The following PIK3C2G variants were observed in gnomAD, a reference collection of about 807,000 sequenced individuals.
PIK3C2G encodes phosphatidylinositol-4-phosphate 3-kinase catalytic subunit type 2 gamma.
A neutral mutation model predicts 181.1 loss-of-function variants in PIK3C2G; 168 were observed. The observed-to-expected ratio is 0.93, with a 90% CI of 0.82 to 1.05. PIK3C2G has a LOEUF of 1.05. PIK3C2G is among the 50% of genes least tolerant of loss of function. The pLI, the probability that PIK3C2G is intolerant of heterozygous loss-of-function variation, is 0.00. For missense variants in PIK3C2G, 1,869 were observed against 1,732.8 expected, an observed-to-expected ratio of 1.08 and a Z score of -1.40; for synonymous variants, 573 against 592.2, an observed-to-expected ratio of 0.97 and a Z score of 0.47.
At position 18,302,626 on chromosome 12, in the gene PIK3C2G, C is replaced by T. The variant is rs572207719; in HGVS notation, c.1034+8611C>T. Among the ~76,000 whole-genome samples, 6 of 152,252 alleles carry T rather than the reference C, an allele frequency of 3.9e-5. No homozygotes were observed. The South Asian group carries it at 1.0e-3, about 26-fold the overall frequency. On this transcript the variant is annotated intron_variant, in intron 5 of 32. Coordinates refer to ENST00000538779, the MANE Select transcript of PIK3C2G (RefSeq NM_001288772.2). ...CAGCTCAATCCCCAGGTCCCCACCT[C>T]GCATGCTTGGGTCCTGGTGGGTCTT...
chr12:18,520,026 A>G (rs1942809719), intron 24 of PIK3C2G, among the ~76,000 whole-genome samples: 2 of 150,100 alleles, frequency 1.3e-5, no homozygotes, highest in Non-Finnish European at 3.0e-5. Context: ...AAAAAAAAAA[A>G]GAATGTTGAA....
the PIK3C2G span, among the ~76,000 whole-genome samples, chr12:18,678,648 T>C: frequency 6.6e-6 from 1 of 152,076 alleles, no homozygotes; most frequent in Non-Finnish European, 1.5e-5. Flanking sequence ...ATTTTAATCA[T>C]TTTGATTCAT....
upstream of PIK3C2G, among the ~76,000 whole-genome samples, chr12:18,258,425 C>T (rs1948170261): frequency 1.3e-5 from 2 of 151,992 alleles, no homozygotes; most frequent in Non-Finnish European, 2.9e-5. Flanking sequence ...ATCCTTTGAC[C>T]AACATCTCCC....
At chr12:18,393,710 C>T (rs11044072) in intron 15 of PIK3C2G, among the ~76,000 whole-genome samples, 18,159 of 152,004 alleles carry the variant, frequency 0.12, 1,080 homozygotes, top group Non-Finnish European at 0.13. Context: ...AAAATAGATA[C>T]GAAGCAACTG....
chr12:18,684,128 A>G, the PIK3C2G span: 4 of 1,611,244 alleles, frequency 2.5e-6, no homozygotes, highest in African/African-American at 1.3e-5. Flanking sequence ...TAGGGACATT[A>G]CCTTTGTTCA....
At chr12:18,696,267 C>T in the PIK3C2G span, 1 of 1,442,736 alleles carries the variant, frequency 6.9e-7, no homozygotes, top group Non-Finnish European at 9.6e-7. Flanking sequence ...AACTCATGGA[C>T]TGAAAAAGAA....
intron 12 of PIK3C2G, among the ~76,000 whole-genome samples, chr12:18,367,832 G>T (rs1450244228): frequency 6.6e-6 from 1 of 152,032 alleles, no homozygotes; most frequent in Non-Finnish European, 1.5e-5. Context: ...GGGATTACAG[G>T]CATGAGCCAC....
the PIK3C2G span, among the ~76,000 whole-genome samples, chr12:18,657,807 T>A: frequency 6.6e-6 from 1 of 152,030 alleles, no homozygotes; most frequent in African/African-American, 2.4e-5. Flanking sequence ...TAAGAAAGTA[T>A]GGCCCATACA....
At chr12:18,439,844 C>T (rs1374861653) in intron 18 of PIK3C2G, among the ~76,000 whole-genome samples, 2 of 152,036 alleles carry the variant, frequency 1.3e-5, no homozygotes, top group Non-Finnish European at 2.9e-5. Flanking sequence ...ATTTATTAAT[C>T]ACACACCATG....
rs183800328 is a variant in PIK3C2G at position 18,509,268 on chromosome 12, G to A, written c.3323+3807G>A. On this transcript the variant is annotated intron_variant, in intron 24 of 32. Coordinates refer to ENST00000538779, the MANE Select transcript of PIK3C2G (RefSeq NM_001288772.2). ...TCACTCTGTTGGCCAGACTGGTCTCGAACTCCCGACCTCAGGCAATTCGCC... is the reference window on the plus strand; with the variant it reads ...TCACTCTGTTGGCCAGACTGGTCTCAAACTCCCGACCTCAGGCAATTCGCC... Among the ~76,000 whole-genome samples the A allele has an allele frequency of 4.5e-4, 68 of 152,112 alleles. No individual in the cohort carries two copies. The East Asian group carries it at 8.9e-3, about 20-fold the overall frequency.
chr12:18,451,198 C>G (rs774559576), intron 18 of PIK3C2G, among the ~76,000 whole-genome samples: 1 of 152,120 alleles, frequency 6.6e-6, no homozygotes, highest in Non-Finnish European at 1.5e-5. Flanking sequence ...TTGATTTTTC[C>G]TATCCATGAG....
chr12:18,372,708 A>T (rs1942153297), intron 13 of PIK3C2G: 1 of 152,226 alleles, frequency 6.6e-6, no homozygotes, highest in African/African-American at 2.4e-5. Flanking sequence ...CTACTTGCAC[A>T]TATCAATAAA....
At chr12:18,510,294 G>C (rs948521888) in intron 24 of PIK3C2G, among the ~76,000 whole-genome samples, 1 of 152,056 alleles carries the variant, frequency 6.6e-6, no homozygotes, top group African/African-American at 2.4e-5. Context: ...TTCTTTCACC[G>C]ATACAAATTA....
At chr12:18,320,324 C>T (rs1371497335) in intron 6 of PIK3C2G, among the ~76,000 whole-genome samples, 8 of 151,830 alleles carry the variant, frequency 5.3e-5, no homozygotes, top group East Asian at 1.9e-4. Context: ...TTAAGGTATG[C>T]GTGTGTGTGT....
At chr12:18,623,472 T>C (rs1259485193) in intron 31 of PIK3C2G, among the ~76,000 whole-genome samples, 1 of 151,886 alleles carries the variant, frequency 6.6e-6, no homozygotes, top group Non-Finnish European at 1.5e-5. Flanking sequence ...GGTAGTATGA[T>C]GCCTCAGGGT....
At chr12:18,564,399 A>C (rs1351509055) in intron 28 of PIK3C2G, among the ~76,000 whole-genome samples, 1 of 150,990 alleles carries the variant, frequency 6.6e-6, no homozygotes, top group African/African-American at 2.4e-5. Context: ...TTATGATGTA[A>C]TTGTTTATAC....
At chr12:18,457,762 C>T (rs1450578409) in intron 18 of PIK3C2G, among the ~76,000 whole-genome samples, 1 of 152,076 alleles carries the variant, frequency 6.6e-6, no homozygotes, top group Admixed American at 6.6e-5. Context: ...GTAGAGTAAA[C>T]TGCCTATTCT....
At chr12:18,702,462 T>C in the PIK3C2G span, among the ~76,000 whole-genome samples, 11 of 152,212 alleles carry the variant, frequency 7.2e-5, no homozygotes, top group Non-Finnish European at 5.9e-5. Flanking sequence ...GGCTCTGTTA[T>C]ATACAATGCT....
intron 16 of PIK3C2G, among the ~76,000 whole-genome samples, chr12:18,419,466 GA>G (rs748971484): frequency 2.0e-5 from 3 of 152,154 alleles, no homozygotes; most frequent in Non-Finnish European, 4.4e-5. Context: ...CAATAAATTA[GA>G]GTCAATCACA....
Sources: gnomAD v4.1 joint callset for allele counts (sites outside exome capture counted in the v4.1 genomes callset) on GRCh38, gnomAD v4.1.1 for gene constraint, MANE v1.5 for transcripts, NCBI Gene and HGNC (gene_info 2026-07-23, HGNC 2026-07-21) for gene names.